The following CNTNAP2 variants were observed in gnomAD, a reference collection of about 807,000 sequenced individuals.
CNTNAP2 encodes contactin associated protein 2.
CNTNAP2 carries 98 observed loss-of-function variants against 155.2 expected under a neutral mutation model. That is an observed-to-expected ratio of 0.63 (90% CI 0.54 to 0.75). The LOEUF is 0.75. Ranked by LOEUF, CNTNAP2 falls within the 30% of genes least tolerant of loss-of-function variation. CNTNAP2 has a pLI of 0.00. For missense variants in CNTNAP2, 1,727 were observed against 1,688.1 expected (o/e 1.02, Z -0.40); for synonymous variants, 651 against 631.2 (o/e 1.03, Z -0.47).
Position 147,113,266 on chromosome 7 carries a change from T to G in CNTNAP2, c.754+4916T>G, listed in dbSNP as rs554227564. On this transcript the variant is annotated intron_variant, in intron 5 of 23. Transcript: ENST00000361727. Reference sequence around the variant, plus strand: ...ATTTCTATAGGGAAATACAAATGTATTTCTGTGAGGTCAGTGGTGATGCCC... The same window carrying G: ...ATTTCTATAGGGAAATACAAATGTAGTTCTGTGAGGTCAGTGGTGATGCCC... Among the ~76,000 whole-genome samples the G allele has an allele frequency of 1.5e-3, 221 of 152,086 alleles. 2 individuals carry two copies. Among genetic ancestry groups the G allele is most frequent in the Non-Finnish European group, 2.6e-3 (179 of 68,000 alleles).
intron 10 of CNTNAP2, among the ~76,000 whole-genome samples, chr7:147,448,086 A>C (rs911080435): frequency 2.0e-5 from 3 of 152,134 alleles, no homozygotes; most frequent in Non-Finnish European, 4.4e-5. Flanking sequence ...CCATTAAATC[A>C]CACTAGAATT....
chr7:147,741,635 A>G (rs1429127333), intron 13 of CNTNAP2, among the ~76,000 whole-genome samples: 1 of 152,242 alleles, frequency 6.6e-6, no homozygotes. Flanking sequence ...TAGCAGTAGT[A>G]TACTACCACT....
At chr7:147,616,236 C>T (rs1256991883) in intron 12 of CNTNAP2, among the ~76,000 whole-genome samples, 1 of 152,160 alleles carries the variant, frequency 6.6e-6, no homozygotes, top group East Asian at 1.9e-4. Flanking sequence ...GTGACCATCT[C>T]CCATTAGCTA....
intron 1 of CNTNAP2, among the ~76,000 whole-genome samples, chr7:146,504,722 A>T (rs1425584831): frequency 6.6e-6 from 1 of 152,108 alleles, no homozygotes; most frequent in East Asian, 1.9e-4. Context: ...TTATGTGGGC[A>T]TCTAAGGAAT....
chr7:146,139,683 A>G (rs1019332792), intron 1 of CNTNAP2, among the ~76,000 whole-genome samples: 11 of 152,162 alleles, frequency 7.2e-5, no homozygotes, highest in Non-Finnish European at 1.5e-5. Flanking sequence ...ATTTTAAAAA[A>G]TATTAATTTG....
At chr7:146,303,678 T>G (rs1336476331) in intron 1 of CNTNAP2, among the ~76,000 whole-genome samples, 1 of 152,172 alleles carries the variant, frequency 6.6e-6, no homozygotes, top group East Asian at 1.9e-4. Context: ...TTAGGAGTGC[T>G]TTACTTCCAA....
chr7:148,160,270 G>A (rs747662535), intron 17 of CNTNAP2, among the ~76,000 whole-genome samples: 4 of 151,434 alleles, frequency 2.6e-5, no homozygotes, highest in Non-Finnish European at 4.4e-5. Flanking sequence ...ACACTAGCCA[G>A]GCATAATGAT....
At chr7:147,005,466 A>C (rs1798508091) in intron 3 of CNTNAP2, among the ~76,000 whole-genome samples, 1 of 152,060 alleles carries the variant, frequency 6.6e-6, no homozygotes, top group South Asian at 2.1e-4. Flanking sequence ...GAAGAACATA[A>C]AAGCAAAAAG....
rs149696243 is a variant in CNTNAP2, at chr7:147,524,261, C to A, written c.1778-37877C>A. ...CGTGGCTAGCCGGGCATGGTGGTGCCTGCCTGTAATCCCAGCTACTCGGGT... is the reference window on the plus strand; with the variant it reads ...CGTGGCTAGCCGGGCATGGTGGTGCATGCCTGTAATCCCAGCTACTCGGGT... On this transcript the variant is annotated intron_variant, in intron 11 of 23. Transcript: ENST00000361727. Among the ~76,000 whole-genome samples the A allele has an allele frequency of 2.9e-3, 435 of 152,232 alleles. 1 individual carries two copies. Among genetic ancestry groups the A allele is most frequent in the African/African-American group, 9.7e-3 (402 of 41,540 alleles).
intron 13 of CNTNAP2, among the ~76,000 whole-genome samples, chr7:147,705,195 A>G (rs999096439): frequency 4.0e-5 from 6 of 151,770 alleles, no homozygotes; most frequent in Admixed American, 6.6e-5. Flanking sequence ...ATAGGTGTTT[A>G]TGGCTATAAA....
intron 17 of CNTNAP2, among the ~76,000 whole-genome samples, chr7:148,160,769 G>A (rs2116673563): frequency 6.6e-6 from 1 of 152,216 alleles, no homozygotes; most frequent in South Asian, 2.1e-4. Context: ...GGTTGTTGTT[G>A]TTTTTCTTAC....
In CNTNAP2 at chr7:147,608,714, C is replaced by T. The variant is rs188114201; in HGVS notation, c.1898-30392C>T. Among the ~76,000 whole-genome samples, 34 of 152,278 alleles carry T rather than the reference C, an allele frequency of 2.2e-4. No individual in the cohort carries two copies. In the East Asian group the frequency reaches 3.1e-3, roughly 14 times the overall value. Reference sequence around the variant, plus strand: ...TTAAGGAGTATTATCAGCACTGTCACGCGTGTCTGTGTGAAGAGACCACCA... The same window carrying T: ...TTAAGGAGTATTATCAGCACTGTCATGCGTGTCTGTGTGAAGAGACCACCA... On this transcript the variant is annotated intron_variant, in intron 12 of 23. Transcript: ENST00000361727.
chr7:147,202,478 T>C (rs1802941705), intron 8 of CNTNAP2, among the ~76,000 whole-genome samples: 1 of 152,040 alleles, frequency 6.6e-6, no homozygotes, highest in Admixed American at 6.6e-5. Context: ...CATTTATAGA[T>C]GAAGAAAGGT....
At chr7:148,025,210 A>T (rs1563171392) in intron 15 of CNTNAP2, among the ~76,000 whole-genome samples, 1 of 152,228 alleles carries the variant, frequency 6.6e-6, no homozygotes, top group African/African-American at 2.4e-5. Flanking sequence ...GATAATATCC[A>T]TATGGTCAAA....
chr7:146,441,232 A>G (rs1796316595), intron 1 of CNTNAP2, among the ~76,000 whole-genome samples: 1 of 151,602 alleles, frequency 6.6e-6, no homozygotes, highest in African/African-American at 2.4e-5. Context: ...AACCGTGAAA[A>G]AAATTTTCTC....
intron 3 of CNTNAP2, among the ~76,000 whole-genome samples, chr7:146,953,963 T>A (rs1797377706): frequency 6.6e-6 from 1 of 152,002 alleles, no homozygotes; most frequent in South Asian, 2.1e-4. Flanking sequence ...ATATCTTGTT[T>A]CTAGTTTTTG....
intron 10 of CNTNAP2, among the ~76,000 whole-genome samples, chr7:147,471,822 T>C (rs1413325292): frequency 6.6e-6 from 1 of 152,200 alleles, no homozygotes; most frequent in Non-Finnish European, 1.5e-5. Context: ...CCGAGAGGTA[T>C]AGAACTAAAA....
At chr7:147,881,952 AC>A (rs1167774093) in intron 13 of CNTNAP2, among the ~76,000 whole-genome samples, 1 of 152,162 alleles carries the variant, frequency 6.6e-6, no homozygotes, top group Non-Finnish European at 1.5e-5. Flanking sequence ...AGCCTGGGCG[AC>A]AGAATGAGAC....
At chr7:147,347,339 T>C (rs1487474072) in intron 9 of CNTNAP2, among the ~76,000 whole-genome samples, 1 of 150,348 alleles carries the variant, frequency 6.7e-6, no homozygotes, top group African/African-American at 2.5e-5. Flanking sequence ...GAGTGAAGAG[T>C]TGTGAAGAAT....
Sources: gnomAD v4.1 joint callset for allele counts (sites outside exome capture counted in the v4.1 genomes callset) on GRCh38, gnomAD v4.1.1 for gene constraint, MANE v1.5 for transcripts, NCBI Gene and HGNC (gene_info 2026-07-23, HGNC 2026-07-21) for gene names.